GNAI3: variants seen among roughly 807,000 people sequenced by gnomAD.
GNAI3 encodes guanine nucleotide-binding protein G(i) subunit alpha-3.
Under a neutral mutation model 41.8 loss-of-function variants are expected in GNAI3, and 12 were observed. The ratio of observed to expected loss-of-function variants is 0.29; its 90% CI spans 0.18 to 0.47. The LOEUF (loss-of-function observed/expected upper bound fraction) is 0.47. Ranked by LOEUF, GNAI3 falls within the 20% of genes least tolerant of loss-of-function variation. The pLI is 1.00. For synonymous variants in GNAI3, 132 were observed against 146.5 expected, an observed-to-expected ratio of 0.90 and a Z score of 0.71; for missense variants, 360 against 429.6, an observed-to-expected ratio of 0.84 and a Z score of 1.43.
chr1:109,598,924 TAAGA>T lies in GNAI3; in HGVS notation c.*6603_*6606del. The T allele has an allele frequency of 1.9e-6, 1 of 534,826 alleles. No individual in the cohort carries two copies. Among genetic ancestry groups the T allele is most frequent in the South Asian group, 1.4e-5 (1 of 71,760 alleles). The allele number at this position is 534,826 out of a possible 1,614,324, so 33.1% of individuals were successfully genotyped here. A position where few individuals can be genotyped will look rare whatever the true frequency, so the allele number is the denominator to read the frequency against. Reference sequence around the variant, plus strand: ...GCCGGGTAGAGAGGGCAGTGGGAGGTAAGAGCTCTTCACCCTTCACCACCTTCTC... The same window carrying T: ...GCCGGGTAGAGAGGGCAGTGGGAGGTGCTCTTCACCCTTCACCACCTTCTC... On this transcript the variant is annotated 3_prime_UTR_variant, in exon 9 of 9. Coordinates refer to ENST00000369851, the MANE Select transcript of GNAI3 (RefSeq NM_006496.4).
At chr1:109,552,681 T>C (rs2101087530) in intron 1 of GNAI3, among the ~76,000 whole-genome samples, 1 of 152,344 alleles carries the variant, frequency 6.6e-6, no homozygotes, top group South Asian at 2.1e-4. Flanking sequence ...TTTCATGCCA[T>C]AATTTCATAA....
intron 1 of GNAI3, among the ~76,000 whole-genome samples, chr1:109,555,617 C>T (rs956118830): frequency 3.3e-5 from 5 of 152,078 alleles, no homozygotes; most frequent in African/African-American, 1.2e-4. Context: ...CTAGATTTCA[C>T]AGGGCATGTA....
intron 4 of GNAI3, among the ~76,000 whole-genome samples, chr1:109,580,198 A>G (rs542540425): frequency 6.6e-6 from 1 of 152,032 alleles, no homozygotes; most frequent in African/African-American, 2.4e-5. Context: ...CGGGGTTTCA[A>G]CGTGTTAGCC....
At chr1:109,581,854 A>G (rs1648896495) in intron 4 of GNAI3, among the ~76,000 whole-genome samples, 1 of 152,136 alleles carries the variant, frequency 6.6e-6, no homozygotes, top group South Asian at 2.1e-4. Context: ...GCACCACTGC[A>G]CTGCAGCCTG....
chr1:109,591,996 A>G, intron 7 of GNAI3, 47 bp from the exon 8 acceptor site: 1 of 1,257,708 alleles, frequency 8.0e-7, no homozygotes, highest in Non-Finnish European at 1.1e-6. Flanking sequence ...AGTTGAGTTC[A>G]GGCAGCTGTT....
chr1:109,597,512 T>C lies in GNAI3; in HGVS notation c.*5190T>C, dbSNP rs1176735065. On this transcript the variant is annotated 3_prime_UTR_variant, in exon 9 of 9. Coordinates refer to ENST00000369851, the MANE Select transcript of GNAI3 (RefSeq NM_006496.4). ...AAATATTGAAAATAAGCAACTTCAG[T>C]GCACAAATAAGCTCAAAATCACTAG... 6.6e-6 allele frequency: 1 copy of C among 152,004 alleles called. No homozygotes were observed. Among genetic ancestry groups the C allele is most frequent in the Non-Finnish European group, 1.5e-5 (1 of 67,990 alleles). 9.4% of individuals were successfully genotyped at this position (152,004 alleles called of 1,614,324 possible). A position where few individuals can be genotyped will look rare whatever the true frequency, so the allele number is the denominator to read the frequency against.
intron 3 of GNAI3, among the ~76,000 whole-genome samples, chr1:109,577,267 GTGTTTTTTT>G (rs1256341968): frequency 1.3e-3 from 196 of 147,974 alleles, no homozygotes; most frequent in African/African-American, 4.7e-3. Flanking sequence ...CTTAGCTAAG[GTGTTTTTTT>G]TGTTTTTTTT....
At chr1:109,557,695 G>T (rs1648194946) in intron 1 of GNAI3, among the ~76,000 whole-genome samples, 1 of 151,886 alleles carries the variant, frequency 6.6e-6, no homozygotes, top group African/African-American at 2.4e-5. Context: ...TGTGGCTCAC[G>T]CACCGCCTGA....
chr1:109,565,191 C>T (rs564638362), intron 1 of GNAI3, among the ~76,000 whole-genome samples: 1 of 147,910 alleles, frequency 6.8e-6, no homozygotes, highest in East Asian at 2.0e-4. Flanking sequence ...TGAACCCGGG[C>T]AGCAGAAGTT....
chr1:109,594,770 G>A lies in GNAI3; in HGVS notation c.*2448G>A, dbSNP rs1649255002. The A allele has an allele frequency of 6.6e-6, 1 of 151,260 alleles. No individual in the cohort carries two copies. Among genetic ancestry groups the A allele is most frequent in the Non-Finnish European group, 1.5e-5 (1 of 67,970 alleles). 9.4% of individuals were successfully genotyped at this position (151,260 alleles called of 1,614,324 possible). A position where few individuals can be genotyped will look rare whatever the true frequency, so the allele number is the denominator to read the frequency against. Reference sequence around the variant, plus strand: ...CGGGTTCATGCTATTCTCCTGCTGGGACTACCAGGTTCCTGCCACCACGCC... The same window carrying A: ...CGGGTTCATGCTATTCTCCTGCTGGAACTACCAGGTTCCTGCCACCACGCC... On this transcript the variant is annotated 3_prime_UTR_variant, in exon 9 of 9. Transcript: ENST00000369851.
chr1:109,566,264 T>G (rs755106632), intron 1 of GNAI3, among the ~76,000 whole-genome samples: 2 of 152,202 alleles, frequency 1.3e-5, no homozygotes, highest in Non-Finnish European at 2.9e-5. Context: ...GATAGTGGGC[T>G]GGCTGAAAAA....
intron 4 of GNAI3, among the ~76,000 whole-genome samples, chr1:109,581,642 C>T (rs903863326): frequency 6.6e-6 from 1 of 152,220 alleles, no homozygotes; most frequent in East Asian, 1.9e-4. Context: ...AATCCCAGCA[C>T]TTTGGGAGGC....
At chr1:109,580,988 C>G (rs1319928757) in intron 4 of GNAI3, among the ~76,000 whole-genome samples, 5 of 152,148 alleles carry the variant, frequency 3.3e-5, no homozygotes. Flanking sequence ...CAGTGGTCAT[C>G]AAAGGTAGAT....
intron 3 of GNAI3, among the ~76,000 whole-genome samples, chr1:109,578,189 G>A (rs182336251): frequency 1.9e-4 from 29 of 152,280 alleles, no homozygotes; most frequent in Non-Finnish European, 3.5e-4. Context: ...CTATGGCTAT[G>A]TCTGGGCCCA....
chr1:109,555,963 C>CGTGT (rs71069692), intron 1 of GNAI3, among the ~76,000 whole-genome samples: 3,622 of 144,522 alleles, frequency 0.025, 56 homozygotes, highest in Non-Finnish European at 0.03. Flanking sequence ...TGCGTGCGTG[C>CGTGT]GTGTGTGTGT....
chr1:109,597,651 T>C lies in GNAI3; in HGVS notation c.*5329T>C, dbSNP rs957335101. On this transcript the variant is annotated 3_prime_UTR_variant, in exon 9 of 9. Coordinates refer to ENST00000369851, the MANE Select transcript of GNAI3 (RefSeq NM_006496.4). ...TCACATAACATTCCTACACTTTGGA[T>C]ACAGAGTATTTAGTTTTATACAAAA... The C allele has an allele frequency of 4.6e-5, 7 of 152,100 alleles. No homozygotes were observed. Among genetic ancestry groups the C allele is most frequent in the African/African-American group, 1.4e-4 (6 of 41,408 alleles). 9.4% of individuals were successfully genotyped at this position (152,100 alleles called of 1,614,324 possible). A position where few individuals can be genotyped will look rare whatever the true frequency, so the allele number is the denominator to read the frequency against.
chr1:109,567,360 C>G (rs999148813), intron 1 of GNAI3, among the ~76,000 whole-genome samples: 6 of 152,088 alleles, frequency 3.9e-5, no homozygotes, highest in Non-Finnish European at 8.8e-5. Context: ...GGAATAACTG[C>G]TATCTCAGGT....
Position 109,595,420 on chromosome 1 carries a change from C to T in GNAI3, c.*3098C>T, listed in dbSNP as rs976600583. 2 of 151,904 alleles carry T rather than the reference C, an allele frequency of 1.3e-5. No homozygotes were observed. The highest frequency in any genetic ancestry group is 2.4e-5 in the African/African-American group (1 of 41,336). 9.4% of individuals were successfully genotyped at this position (151,904 alleles called of 1,614,324 possible). A position where few individuals can be genotyped will look rare whatever the true frequency, so the allele number is the denominator to read the frequency against. On this transcript the variant is annotated 3_prime_UTR_variant, in exon 9 of 9. Transcript: ENST00000369851. Reference sequence around the variant, plus strand: ...GTTTTTTAAATTTTTACTGATGGATCGTTATTTTTCACAAGGTACTACATT... The same window carrying T: ...GTTTTTTAAATTTTTACTGATGGATTGTTATTTTTCACAAGGTACTACATT...
intron 5 of GNAI3, among the ~76,000 whole-genome samples, chr1:109,585,823 C>T (rs1649021078): frequency 6.6e-6 from 1 of 152,148 alleles, no homozygotes; most frequent in Admixed American, 6.5e-5. Context: ...TAGTGTCTGG[C>T]ACCATGGTAA....
Sources: allele counts gnomAD v4.1 joint callset (sites outside exome capture counted in the v4.1 genomes callset), GRCh38; gene constraint gnomAD v4.1.1; transcripts MANE v1.5; gene names NCBI Gene and HGNC (gene_info 2026-07-23, HGNC 2026-07-21).